The following TSPAN18 variants were observed in gnomAD, a reference collection of about 807,000 sequenced individuals.
TSPAN18 encodes the protein tetraspanin 18, also known as tetraspanin-18.
In TSPAN18, 14 loss-of-function variants were observed where a neutral mutation model predicts 27.3. That is an observed-to-expected ratio of 0.51 (90% confidence interval 0.34 to 0.80). The LOEUF is 0.80. Ranked by LOEUF, TSPAN18 falls within the 30% of genes least tolerant of loss-of-function variation. The pLI is 0.01. For missense variants in TSPAN18, 268 were observed against 323.9 expected, an observed-to-expected ratio of 0.83 and a Z score of 1.32; for synonymous variants, 143 against 136.5, an observed-to-expected ratio of 1.05 and a Z score of -0.33.
intron 4 of TSPAN18, among the ~76,000 whole-genome samples, chr11:44,908,807 G>GAAAGAAAGAAAGAAAGA (rs1859587231): frequency 2.6e-5 from 3 of 114,546 alleles, no homozygotes; most frequent in Non-Finnish European, 5.4e-5. Context: ...AAGAAAGAAA[G>GAAAGAAAGAAAGAAAGA]AAAGAAAGAA....
At chr11:44,774,706 C>G (rs572832583) in intron 2 of TSPAN18, among the ~76,000 whole-genome samples, 2 of 152,216 alleles carry the variant, frequency 1.3e-5, no homozygotes, top group East Asian at 3.9e-4. Flanking sequence ...CACTGGGGTT[C>G]AGAGATGAAA....
At chr11:44,893,670 C>A (rs1020894634) in intron 3 of TSPAN18, among the ~76,000 whole-genome samples, 4 of 152,210 alleles carry the variant, frequency 2.6e-5, no homozygotes, top group Non-Finnish European at 5.9e-5. Context: ...AGCTCTGGGA[C>A]CTTTCTAGCC....
chr11:44,894,461 T>C (rs1858967376), intron 3 of TSPAN18, among the ~76,000 whole-genome samples: 1 of 152,148 alleles, frequency 6.6e-6, no homozygotes, highest in South Asian at 2.1e-4. Flanking sequence ...CTAGAAAGCA[T>C]GCCTGGGGGC....
chr11:44,745,193 T>A (rs1182633741), intron 1 of TSPAN18, among the ~76,000 whole-genome samples: 1 of 152,254 alleles, frequency 6.6e-6, no homozygotes, highest in Non-Finnish European at 1.5e-5. Flanking sequence ...TCAGGAAGTC[T>A]GGTTGGTACT....
At chr11:44,922,117 A>ATTGG (rs1188611777) in intron 8 of TSPAN18, among the ~76,000 whole-genome samples, 3 of 131,392 alleles carry the variant, frequency 2.3e-5, no homozygotes, top group Admixed American at 2.3e-4. Context: ...CCCAGGATGC[A>ATTGG]TTTTTTTTTT....
chr11:44,751,598 A>G (rs1175509635), intron 1 of TSPAN18, among the ~76,000 whole-genome samples: 1 of 152,100 alleles, frequency 6.6e-6, no homozygotes, highest in East Asian at 1.9e-4. Flanking sequence ...TTAAATAATA[A>G]TGTTTATCAC....
intron 3 of TSPAN18, among the ~76,000 whole-genome samples, chr11:44,895,351 C>G (rs1859003893): frequency 6.6e-6 from 1 of 152,218 alleles, no homozygotes. Flanking sequence ...TTACAACCAC[C>G]TTTGGCTTCC....
At chr11:44,808,904 G>A (rs1254551706) in intron 2 of TSPAN18, among the ~76,000 whole-genome samples, 1 of 152,104 alleles carries the variant, frequency 6.6e-6, no homozygotes, top group African/African-American at 2.4e-5. Context: ...CGGTTCTCAG[G>A]TGTCATCCTT....
chr11:44,798,334 G>A (rs1590487384), intron 2 of TSPAN18, among the ~76,000 whole-genome samples: 1 of 152,064 alleles, frequency 6.6e-6, no homozygotes, highest in East Asian at 1.9e-4. Context: ...CTGTGATGTG[G>A]GTACTGTCAT....
At chr11:44,876,395 G>A (rs184246390) in intron 3 of TSPAN18, among the ~76,000 whole-genome samples, 1 of 152,322 alleles carries the variant, frequency 6.6e-6, no homozygotes, top group African/African-American at 2.4e-5. Flanking sequence ...ACCTTGCTGT[G>A]TGGCCTGAGG....
At chr11:44,825,315 A>T (rs1857012253) in intron 2 of TSPAN18, among the ~76,000 whole-genome samples, 1 of 152,208 alleles carries the variant, frequency 6.6e-6, no homozygotes, top group Admixed American at 6.5e-5. Flanking sequence ...CGCAGCCAAG[A>T]ACGGAGGGCT....
At chr11:44,758,319 T>G (rs141444086) in intron 1 of TSPAN18, among the ~76,000 whole-genome samples, 5 of 152,344 alleles carry the variant, frequency 3.3e-5, no homozygotes, top group African/African-American at 1.2e-4. Context: ...TGTGGGGGTA[T>G]TTTCCTCTTC....
intron 5 of TSPAN18, among the ~76,000 whole-genome samples, chr11:44,915,338 A>G (rs972907726): frequency 6.6e-6 from 1 of 152,178 alleles, no homozygotes; most frequent in African/African-American, 2.4e-5. Flanking sequence ...GCAGAGGCAG[A>G]AAACACATCA....
chr11:44,816,632 T>C (rs867550780), intron 2 of TSPAN18, among the ~76,000 whole-genome samples: 24 of 152,178 alleles, frequency 1.6e-4, no homozygotes, highest in African/African-American at 5.5e-4. Context: ...TGAGAATTGC[T>C]TGGGGAATGA....
chr11:44,752,401 A>G (rs569926886), intron 1 of TSPAN18, among the ~76,000 whole-genome samples: 15 of 151,288 alleles, frequency 9.9e-5, no homozygotes, highest in Admixed American at 2.0e-4. Flanking sequence ...TTTTTTTTTG[A>G]CACAGGGTCT....
chr11:44,816,405 G>A (rs996986904), intron 2 of TSPAN18, among the ~76,000 whole-genome samples: 1 of 152,208 alleles, frequency 6.6e-6, no homozygotes, highest in Non-Finnish European at 1.5e-5. Context: ...TTCCCCTCTG[G>A]TTCATCAGAA....
chr11:44,908,013 C>G (rs1859518330), intron 4 of TSPAN18, among the ~76,000 whole-genome samples: 1 of 147,842 alleles, frequency 6.8e-6, no homozygotes, highest in African/African-American at 2.5e-5. Context: ...CGAGATCGTG[C>G]CACTGCACTC....
At chr11:44,815,594 C>G (rs868418642) in intron 2 of TSPAN18, among the ~76,000 whole-genome samples, 1 of 152,184 alleles carries the variant, frequency 6.6e-6, no homozygotes, top group Non-Finnish European at 1.5e-5. Flanking sequence ...AGCACCTACC[C>G]TGTGCTGGGG....
chr11:44,911,355 G>A (rs1313877810), intron 5 of TSPAN18, among the ~76,000 whole-genome samples: 1 of 152,122 alleles, frequency 6.6e-6, no homozygotes, highest in South Asian at 2.1e-4. Flanking sequence ...CACACTGCAC[G>A]GCCCCATTTG....
Sources: allele counts gnomAD v4.1 joint callset (sites outside exome capture counted in the v4.1 genomes callset), GRCh38; gene constraint gnomAD v4.1.1; transcripts MANE v1.5; gene names NCBI Gene and HGNC (gene_info 2026-07-23, HGNC 2026-07-21).